The following KHDC1 variants were observed in gnomAD, a reference collection of about 807,000 sequenced individuals.
The protein encoded by KHDC1 is KH homology domain-containing protein 1.
A neutral mutation model predicts 24.7 loss-of-function variants in KHDC1; 21 were observed. The ratio of observed to expected loss-of-function variants is 0.85; its 90% CI spans 0.60 to 1.23. The LOEUF (loss-of-function observed/expected upper bound fraction) is 1.23. Ranked by LOEUF, KHDC1 falls within the 50% of genes most tolerant of loss-of-function variation. The pLI is 0.00. For missense variants in KHDC1, 274 were observed against 298.5 expected (o/e 0.92, Z 0.61); for synonymous variants, 98 against 111.7 (o/e 0.88, Z 0.77).
At position 73,250,675 on chromosome 6, in the gene KHDC1, C is replaced by G. The variant is rs549941725; in HGVS notation, c.207-8145G>C. Among the ~76,000 whole-genome samples, 15 of 152,320 alleles carry G rather than the reference C, an allele frequency of 9.8e-5. No individual in the cohort carries two copies. In the East Asian group the frequency reaches 2.7e-3, roughly 27 times the overall value. On this transcript the variant is annotated intron_variant, in intron 2 of 4. Transcript: ENST00000370384. The stretch of plus-strand genomic sequence containing the variant: ...TGATTCTGGTCCCTTTTACATACTA[C>G]TCTCATTTTGATTGATTGCGCTCAG...
intron 2 of KHDC1, among the ~76,000 whole-genome samples, chr6:73,279,121 G>A (rs1767356201): frequency 6.6e-6 from 1 of 152,170 alleles, no homozygotes; most frequent in African/African-American, 2.4e-5. Context: ...ATAAAAACCA[G>A]GTCAATCTGG....
chr6:73,291,926 T>A, intron 2 of KHDC1: 1 of 1,534,940 alleles, frequency 6.5e-7, no homozygotes, highest in Non-Finnish European at 8.9e-7. Flanking sequence ...TTTTAAAAAT[T>A]TAATTCTCTA....
intron 4 of KHDC1, 97 bp from the exon 4 acceptor site, chr6:73,241,825 A>G (rs1766574561): frequency 5.9e-6 from 8 of 1,356,812 alleles, no homozygotes; most frequent in Non-Finnish European, 8.2e-6. Context: ...GGAGGATGTC[A>G]CCCCAGCCCA....
chr6:73,263,039 GGGCGGCGGCGGCGGCGGCGGC>G (rs544476875), intron 2 of KHDC1: 7 of 965,562 alleles, frequency 7.2e-6, no homozygotes, highest in African/African-American at 5.9e-5. Flanking sequence ...TCCCTGAGTA[GGGCGGCGGCGGCGGCGGCGGC>G]GGCGGCGGCA....
At chr6:73,305,950 C>T (rs950483450) in intron 1 of KHDC1, among the ~76,000 whole-genome samples, 17 of 152,122 alleles carry the variant, frequency 1.1e-4, no homozygotes, top group Non-Finnish European at 1.6e-4. Context: ...TGAGCCACCA[C>T]GCCTGGCCTC....
chr6:73,301,905 A>C (rs956322436), intron 1 of KHDC1, among the ~76,000 whole-genome samples: 1 of 152,156 alleles, frequency 6.6e-6, no homozygotes, highest in Admixed American at 6.5e-5. Flanking sequence ...CTGGCACTAC[A>C]GGCATCAGCC....
chr6:73,261,494 G>A (rs1310958902), intron 2 of KHDC1, among the ~76,000 whole-genome samples: 1 of 151,890 alleles, frequency 6.6e-6, no homozygotes, highest in African/African-American at 2.4e-5. Flanking sequence ...CTAGGACCAG[G>A]CACAGTGGCT....
intron 2 of KHDC1, among the ~76,000 whole-genome samples, chr6:73,285,674 C>CT (rs1483074992): frequency 5.6e-5 from 8 of 142,544 alleles, no homozygotes; most frequent in East Asian, 2.1e-4. Context: ...TTATTATACT[C>CT]TAAGTTTTAG....
chr6:73,263,615 G>A (rs990494270), intron 2 of KHDC1, among the ~76,000 whole-genome samples: 1 of 151,016 alleles, frequency 6.6e-6, no homozygotes, highest in East Asian at 1.9e-4. Flanking sequence ...TCGCGGTGGG[G>A]GGGGGGGTGA....
chr6:73,263,168 G>T lies in KHDC1; in HGVS notation c.207-20638C>A, dbSNP rs1391779357. ...TTCCAGGGGTCCCGGCTCGCGCCGC[G>T]GCCGCGCGAGGCGCGCTCGAGCGGA... On this transcript the variant is annotated intron_variant, in intron 2 of 4. Transcript: ENST00000370384. The T allele has an allele frequency of 5.1e-6, 5 of 987,000 alleles. No homozygotes were observed. The African/African-American group carries it at 7.0e-5, about 14-fold the overall frequency. The allele number at this position is 987,000 out of a possible 1,614,324, so 61.1% of individuals were successfully genotyped here.
chr6:73,255,053 T>C (rs974117735), intron 2 of KHDC1, among the ~76,000 whole-genome samples: 5 of 151,756 alleles, frequency 3.3e-5, no homozygotes, highest in Admixed American at 1.3e-4. Flanking sequence ...TGATACTGTA[T>C]AGCTGACAGA....
At chr6:73,276,176 C>G (rs1767292660) in intron 2 of KHDC1, 1 of 149,778 alleles carries the variant, frequency 6.7e-6, no homozygotes, top group Admixed American at 6.7e-5. Flanking sequence ...GGGCGGCAGA[C>G]TGAGTGAGAT....
intron 1 of KHDC1, among the ~76,000 whole-genome samples, chr6:73,297,188 A>G (rs1257446980): frequency 6.6e-6 from 1 of 152,160 alleles, no homozygotes; most frequent in Non-Finnish European, 1.5e-5. Flanking sequence ...GTCATGAGCC[A>G]TCATTACCAG....
chr6:73,265,775 CT>C (rs1252327556), intron 2 of KHDC1, among the ~76,000 whole-genome samples: 1 of 152,074 alleles, frequency 6.6e-6, no homozygotes, highest in African/African-American at 2.4e-5. Context: ...ATGAAAGAAA[CT>C]TTCTTGGTGA....
chr6:73,251,362 C>T (rs1370835390), intron 2 of KHDC1, among the ~76,000 whole-genome samples: 1 of 152,126 alleles, frequency 6.6e-6, no homozygotes, highest in East Asian at 1.9e-4. Flanking sequence ...ATATTTCTAT[C>T]AAACCTGAGA....
At chr6:73,291,221 A>G in intron 2 of KHDC1, 1 of 449,268 alleles carries the variant, frequency 2.2e-6, no homozygotes, top group South Asian at 1.7e-5. Flanking sequence ...TGCAACTTCC[A>G]CTGCTCAGAC....
At chr6:73,282,984 G>C (rs542132706) in intron 2 of KHDC1, among the ~76,000 whole-genome samples, 1 of 152,300 alleles carries the variant, frequency 6.6e-6, no homozygotes, top group South Asian at 2.1e-4. Context: ...AATTGGCTCT[G>C]TCTAGGAAAT....
intron 1 of KHDC1, among the ~76,000 whole-genome samples, chr6:73,304,419 C>T (rs1482240469): frequency 6.6e-6 from 1 of 152,074 alleles, no homozygotes; most frequent in Non-Finnish European, 1.5e-5. Context: ...TTGGGTAGAG[C>T]TGGAAGACTG....
chr6:73,307,699 C>A lies in KHDC1; in HGVS notation c.163+1853G>T, dbSNP rs191212253. On this transcript the variant is annotated intron_variant, in intron 1 of 4. Transcript: ENST00000370384. ...GAGTGCCCAGAGGCCCATGAAGAAC[C>A]GTGCAACCGCCTGGCTCGTGCTCTG... Among the ~76,000 whole-genome samples, 205 of 152,236 alleles carry A rather than the reference C, an allele frequency of 1.3e-3. 2 individuals are homozygous for A. Among genetic ancestry groups the A allele is most frequent in the African/African-American group, 4.0e-3 (166 of 41,550 alleles).
Sources: allele counts gnomAD v4.1 joint callset (sites outside exome capture counted in the v4.1 genomes callset), GRCh38; gene constraint gnomAD v4.1.1; transcripts MANE v1.5; gene names NCBI Gene and HGNC (gene_info 2026-07-23, HGNC 2026-07-21).